CFAP47: variants seen among roughly 807,000 people sequenced by gnomAD.
The protein encoded by CFAP47 is cilia and flagella associated protein 47, also known as cilia- and flagella-associated protein 47.
CFAP47 carries 29 observed loss-of-function variants against 148.1 expected under a neutral mutation model. That is an observed-to-expected ratio of 0.20 (90% confidence interval 0.15 to 0.27). The LOEUF (loss-of-function observed/expected upper bound fraction) is 0.27, where lower values mean the gene tolerates loss of function less well. CFAP47 is among the 10% of genes least tolerant of loss of function. The pLI, the probability that CFAP47 is intolerant of heterozygous loss-of-function variation, is 1.00. For synonymous variants in CFAP47, 664 were observed against 577.3 expected (o/e 1.15, Z -2.15); for missense variants, 1,872 against 1,697.5 (o/e 1.10, Z -1.81).
At chrX:36,118,521 A>G (rs6527538) in intron 33 of CFAP47, among the ~76,000 whole-genome samples, 16,345 of 110,120 alleles carry the variant, frequency 0.15, 2,575 homozygotes, top group African/African-American at 0.47. Flanking sequence ...CCAGGCTGGA[A>G]TGCCGTGGCG....
chrX:36,310,393 C>T (rs1798262899), intron 55 of CFAP47, among the ~76,000 whole-genome samples: 1 of 109,865 alleles, frequency 9.1e-6, no homozygotes, highest in Non-Finnish European at 1.9e-5. Flanking sequence ...TTTATTGGAG[C>T]TTCAATCTGT....
intron 33 of CFAP47, among the ~76,000 whole-genome samples, chrX:36,127,133 ATTGC>A (rs759425325): frequency 2.2e-4 from 25 of 111,578 alleles, no homozygotes; most frequent in Non-Finnish European, 4.1e-4. Flanking sequence ...TTTTGTTGCT[ATTGC>A]TTTTGGTGTT....
intron 22 of CFAP47, chrX:36,022,120 C>A (rs138770831): frequency 5.2e-4 from 58 of 111,437 alleles, no homozygotes; most frequent in African/African-American, 1.9e-3. Context: ...ACACCATTTG[C>A]TTTCTGATTG....
At chrX:36,256,649 C>G (rs1940756603) in intron 49 of CFAP47, among the ~76,000 whole-genome samples, 1 of 111,538 alleles carries the variant, frequency 9.0e-6, no homozygotes, top group Non-Finnish European at 1.9e-5. Flanking sequence ...TTACAAACAA[C>G]AAACAGGGAG....
At chrX:36,214,999 T>A (rs1426758409) in intron 45 of CFAP47, among the ~76,000 whole-genome samples, 3 of 111,519 alleles carry the variant, frequency 2.7e-5, no homozygotes, top group Non-Finnish European at 5.6e-5. Flanking sequence ...TACCATAAAG[T>A]TTTATGAACT....
chrX:36,363,914 T>C (rs1941849142), intron 61 of CFAP47, among the ~76,000 whole-genome samples: 1 of 111,869 alleles, frequency 8.9e-6, no homozygotes, highest in East Asian at 2.8e-4. Context: ...GTTAAGAGTG[T>C]AATGAATCAG....
intron 26 of CFAP47, among the ~76,000 whole-genome samples, chrX:36,063,481 A>G (rs767937115): frequency 4.5e-5 from 5 of 111,558 alleles, no homozygotes; most frequent in Middle Eastern, 4.7e-3. Context: ...TCAGTTTTGT[A>G]TATGTTTGGC....
rs766513607 is a variant in CFAP47 at position 36,042,579 on chromosome X, AAATAT to A, written c.4007+3405_4007+3409del. On this transcript the variant is annotated intron_variant, in intron 25 of 63. Coordinates refer to ENST00000378653, the MANE Select transcript of CFAP47 (RefSeq NM_001304548.2). ...GATAATAGATTAAAAGATAATAGAT[AAATAT>A]AATAGATAAAGATATGAATGAGCTG... 2.8e-4 allele frequency among the ~76,000 whole-genome samples: 31 copies of A among 110,321 alleles called. No individual in the cohort carries two copies. The East Asian group carries it at 5.6e-3, about 20-fold the overall frequency.
intron 27 of CFAP47, among the ~76,000 whole-genome samples, chrX:36,071,529 T>G (rs770134626): frequency 1.8e-5 from 2 of 112,400 alleles, no homozygotes; most frequent in South Asian, 7.3e-4. Flanking sequence ...TATTCTTTTT[T>G]ACGCTAAAGT....
In CFAP47 at chrX:36,035,841, A is replaced by G; in HGVS notation, c.3798A>G (p.Ile1266Met). Reference protein sequence around the residue: ...LRPNEKYNVSISFCPNRPGTY... With the variant: ...LRPNEKYNVSMSFCPNRPGTY... ...CAAATGAAAAGTATAATGTTTCCAT[A>G]AGTTTCTGTCCAAGTAAGATATTTT... The change falls in exon 24 of 64, where the codon ATA (isoleucine) becomes ATG (methionine). Residue 1266 changes from isoleucine (I) to methionine (M), a missense_variant. Ile to Met is a conservative substitution (Grantham distance 10, BLOSUM62 1). Transcript: ENST00000378653. 1 of 295,979 alleles carries G rather than the reference A, an allele frequency of 3.4e-6. No individual in the cohort carries two copies. The highest frequency in any genetic ancestry group is 5.9e-6 in the Non-Finnish European group (1 of 169,248). The allele number at this position is 295,979 out of a possible 1,213,427, so 24.4% of individuals were successfully genotyped here.
intron 1 of CFAP47, among the ~76,000 whole-genome samples, chrX:35,921,297 A>G (rs774302537): frequency 8.9e-6 from 1 of 112,172 alleles, no homozygotes; most frequent in East Asian, 2.8e-4. Context: ...AATGATTTTC[A>G]TATTTAAATA....
rs1252028417 is a variant in CFAP47 at position 35,997,322 on chromosome X, G to A, written c.3110G>A (p.Arg1037His). The change falls in exon 19 of 64, where the codon CGT becomes CAT. Residue 1037 changes from arginine to histidine, a missense_variant. Physicochemically the swap from Arg to His is conservative, Grantham distance 29. Coordinates refer to ENST00000378653, the MANE Select transcript of CFAP47 (RefSeq NM_001304548.2). Reference sequence around the variant, plus strand: ...TTTCTCCTAAATAAGGTTTCTATTCGTCATGCGAATGTTATAGACCTTAGG... The same window carrying A: ...TTTCTCCTAAATAAGGTTTCTATTCATCATGCGAATGTTATAGACCTTAGG... Reference protein sequence around the residue: ...KFDTRAKVSIRHANVIDLRIG... With the variant: ...KFDTRAKVSIHHANVIDLRIG... The A allele has an allele frequency of 6.5e-5, 19 of 292,530 alleles. No homozygotes were observed. Among genetic ancestry groups the A allele is most frequent in the Middle Eastern group, 8.9e-4 (1 of 1,123 alleles). 24.1% of individuals were successfully genotyped at this position (292,530 alleles called of 1,213,427 possible).
At position 35,975,871 on chromosome X, in the gene CFAP47, A is replaced by G. The variant is rs772284118; in HGVS notation, c.2671A>G (p.Asn891Asp). Residue 891 changes from asparagine (N) to aspartate (D), a missense_variant, in exon 15 of 64, where the codon AAC becomes GAC. By Grantham distance (23) the Asn-to-Asp change is conservative. Coordinates refer to ENST00000378653, the MANE Select transcript of CFAP47 (RefSeq NM_001304548.2). ...CCAQFQWQPVNTGRGIAFSIC... is the reference protein window; with the variant it reads ...CCAQFQWQPVDTGRGIAFSIC... ...TGCTCAGTTTCAATGGCAACCCGTA[A>G]ACACAGGAAGAGGGATAGCATTTTC... The G allele has an allele frequency of 7.4e-6, 9 of 1,210,594 alleles. No individual in the cohort carries two copies. Among genetic ancestry groups the G allele is most frequent in the Non-Finnish European group, 1.0e-5 (9 of 894,287 alleles).
chrX:35,960,363 T>C (rs1033275160), intron 8 of CFAP47, among the ~76,000 whole-genome samples: 1 of 80,242 alleles, frequency 1.2e-5, no homozygotes, highest in African/African-American at 5.2e-5. Flanking sequence ...AACTTTAACA[T>C]TAGCTTGCTA....
At chrX:35,953,070 C>G (rs949081242) in intron 6 of CFAP47, among the ~76,000 whole-genome samples, 8 of 112,252 alleles carry the variant, frequency 7.1e-5, no homozygotes, top group African/African-American at 2.6e-4. Context: ...TTCCCTTCTT[C>G]CTAGCCTTCC....
chrX:36,076,688 G>A (rs1937864248), intron 29 of CFAP47, among the ~76,000 whole-genome samples: 1 of 111,336 alleles, frequency 9.0e-6, no homozygotes, highest in East Asian at 2.8e-4. Context: ...TCTGTAGGTT[G>A]TCTGTTTACT....
chrX:36,350,961 A>T (rs1941739263), intron 59 of CFAP47, among the ~76,000 whole-genome samples: 1 of 111,796 alleles, frequency 8.9e-6, no homozygotes, highest in Admixed American at 9.6e-5. Context: ...CCCTTTAGCA[A>T]CACAGATGAG....
At chrX:35,966,457 A>T (rs142759588) in intron 8 of CFAP47, 108 bp from the exon 9 acceptor site, 6 of 403,017 alleles carry the variant, frequency 1.5e-5, no homozygotes, top group East Asian at 9.5e-5. Flanking sequence ...TATTACCATT[A>T]TGAGCTAGCT....
chrX:36,070,371 C>T (rs1937725030), intron 27 of CFAP47, among the ~76,000 whole-genome samples: 2 of 110,754 alleles, frequency 1.8e-5, no homozygotes, highest in African/African-American at 6.6e-5. Context: ...GCTTTTTTGA[C>T]AGAATTAGAC....
Sources: allele counts gnomAD v4.1 joint callset (sites outside exome capture counted in the v4.1 genomes callset), GRCh38; gene constraint gnomAD v4.1.1; transcripts MANE v1.5; gene names NCBI Gene and HGNC (gene_info 2026-07-23, HGNC 2026-07-21).